PXDNL: variants seen among roughly 807,000 people sequenced by gnomAD.
The protein encoded by PXDNL is probable oxidoreductase PXDNL.
A neutral mutation model predicts 150.8 loss-of-function variants in PXDNL; 145 were observed. The observed-to-expected ratio is 0.96, with a 90% CI of 0.84 to 1.10. PXDNL has a LOEUF of 1.10. Ranked by LOEUF, PXDNL falls within the 50% of genes least tolerant of loss-of-function variation. The pLI, the probability that PXDNL is intolerant of heterozygous loss-of-function variation, is 0.00. For synonymous variants in PXDNL, 757 were observed against 725.7 expected (o/e 1.04, Z -0.69); for missense variants, 2,087 against 1,873.9 (o/e 1.11, Z -2.10).
chr8:51,702,944 G>T (rs1816288020), intron 1 of PXDNL, among the ~76,000 whole-genome samples: 1 of 151,998 alleles, frequency 6.6e-6, no homozygotes, highest in Non-Finnish European at 1.5e-5. Context: ...TGAAAACTTG[G>T]GTAGATTCCA....
chr8:51,538,334 T>C (rs1055351815), intron 4 of PXDNL, among the ~76,000 whole-genome samples: 2 of 152,146 alleles, frequency 1.3e-5, no homozygotes, highest in Admixed American at 6.5e-5. Flanking sequence ...TGTTTGGTGA[T>C]AGAAATTCCA....
intron 1 of PXDNL, among the ~76,000 whole-genome samples, chr8:51,706,372 A>C (rs1816378528): frequency 1.3e-5 from 2 of 152,172 alleles, no homozygotes; most frequent in South Asian, 2.1e-4. Flanking sequence ...TTCACAGTCT[A>C]TTTAGATCAA....
Position 51,475,060 on chromosome 8 carries a change from G to A in PXDNL, c.606C>T (p.Gly202=). 1 of 1,613,732 alleles carries A rather than the reference G, an allele frequency of 6.2e-7. No individual in the cohort carries two copies. The highest frequency in any genetic ancestry group is 2.2e-5 in the East Asian group (1 of 44,860). The change falls in exon 7 of 23, where the codon GGC becomes GGT. Residue 202 remains glycine (G), a synonymous_variant. Transcript: ENST00000356297. ...GELLQGFAQH[G]HTQAAATCEY... ...CGCAGGTAGCCGCAGCCTGGGTGTG[G>A]CCGTGTTGGGCAAAGCCTTGTAAAA... is the stretch of plus-strand genomic sequence containing the variant.
At chr8:51,774,410 T>C (rs1356006851) in intron 1 of PXDNL, among the ~76,000 whole-genome samples, 1 of 152,238 alleles carries the variant, frequency 6.6e-6, no homozygotes, top group Non-Finnish European at 1.5e-5. Context: ...TGTTACTTTT[T>C]CTAAATTGTC....
At chr8:51,682,953 C>G (rs931664726) in intron 1 of PXDNL, among the ~76,000 whole-genome samples, 1 of 151,624 alleles carries the variant, frequency 6.6e-6, no homozygotes, top group Non-Finnish European at 1.5e-5. Context: ...TAAGGAACGA[C>G]CAGAGCGCTA....
chr8:51,476,922 G>T, intron 6 of PXDNL, among the ~76,000 whole-genome samples: 1 of 152,212 alleles, frequency 6.6e-6, no homozygotes, highest in East Asian at 1.9e-4. Flanking sequence ...TGCACAAAAA[G>T]TCCTTACAAA....
chr8:51,623,475 C>T (rs942614760), intron 2 of PXDNL, among the ~76,000 whole-genome samples: 1 of 152,220 alleles, frequency 6.6e-6, no homozygotes, highest in Non-Finnish European at 1.5e-5. Context: ...CACCTAGAAG[C>T]ACATGTGTGT....
chr8:51,549,897 G>A (rs1389385969), intron 4 of PXDNL, among the ~76,000 whole-genome samples: 2 of 151,990 alleles, frequency 1.3e-5, no homozygotes, highest in Non-Finnish European at 2.9e-5. Flanking sequence ...CAAAAAGCTG[G>A]TTCTTTGAAA....
intron 10 of PXDNL, 151 bp downstream of exon 10, chr8:51,453,368 A>G: frequency 1.1e-6 from 1 of 891,650 alleles, no homozygotes; most frequent in South Asian, 1.8e-5. Flanking sequence ...TTAACTTGAA[A>G]CAGATTAGCT....
At chr8:51,634,759 CTT>C (rs34544099) in intron 2 of PXDNL, among the ~76,000 whole-genome samples, 25,392 of 151,916 alleles carry the variant, frequency 0.17, 2,446 homozygotes, top group Non-Finnish European at 0.22. Context: ...GGATTGCACT[CTT>C]GATATGGCTC....
chr8:51,407,131 C>A (rs1014282431), intron 17 of PXDNL, among the ~76,000 whole-genome samples: 17 of 152,146 alleles, frequency 1.1e-4, no homozygotes, highest in African/African-American at 3.9e-4. Context: ...TAAACCAGGT[C>A]TTCGTGAATC....
chr8:51,563,632 T>G (rs78015625), intron 3 of PXDNL, among the ~76,000 whole-genome samples: 6,878 of 152,066 alleles, frequency 0.045, 309 homozygotes, highest in East Asian at 0.24. Flanking sequence ...TGGGCCAAGA[T>G]GTTTTCTGCC....
Position 51,423,648 on chromosome 8 carries a change from G to T in PXDNL, c.1722C>A (p.Asp574Glu). 1 of 1,613,304 alleles carries T rather than the reference G, an allele frequency of 6.2e-7. No individual in the cohort carries two copies. Among genetic ancestry groups the T allele is most frequent in the Non-Finnish European group, 8.5e-7 (1 of 1,179,312 alleles). The change falls in exon 14 of 23, where the codon GAC becomes GAA. Residue 574 changes from aspartate (D) to glutamate (E), a missense_variant. Asp to Glu is a conservative substitution (Grantham distance 45). Transcript: ENST00000356297. The stretch of plus-strand genomic sequence containing the variant: ...GAGCCACACATTCATATCTTCCCTG[G>T]TCAGGGAACCCTGCGTCGTAGATAG... ...TLTIYDAGFPDQGRYECVARN... is the reference protein window; with the variant it reads ...TLTIYDAGFPEQGRYECVARN...
chr8:51,474,981 A>C lies in PXDNL; in HGVS notation c.685T>G (p.Phe229Val), dbSNP rs761490747. 1 of 1,595,656 alleles carries C rather than the reference A, an allele frequency of 6.3e-7. No individual in the cohort carries two copies. The highest frequency in any genetic ancestry group is 1.1e-5 in the South Asian group (1 of 88,648). The change falls in exon 7 of 23, where the codon TTC becomes GTC. Residue 229 changes from phenylalanine to valine, a missense_variant. Coordinates refer to ENST00000356297, the MANE Select transcript of PXDNL (RefSeq NM_144651.5). ...ATTGAAATTTACGTACGGCAATTGA[A>C]TTCCTCTACTGTTACTGAAGCAACT... Reference protein sequence around the residue: ...RAVASVTVEEFNCQSPRITFE... With the variant: ...RAVASVTVEEVNCQSPRITFE...
intron 1 of PXDNL, among the ~76,000 whole-genome samples, chr8:51,711,153 A>T (rs575289384): frequency 2.7e-4 from 41 of 151,580 alleles, no homozygotes; most frequent in Non-Finnish European, 4.6e-4. Flanking sequence ...TTTTTATTTT[A>T]TTTTTGAGAT....
At chr8:51,553,740 T>TATATATA (rs1812542163) in intron 4 of PXDNL, among the ~76,000 whole-genome samples, 4 of 112,948 alleles carry the variant, frequency 3.5e-5, no homozygotes, top group African/African-American at 1.2e-4. Context: ...GTGAGGGATT[T>TATATATA]TATATATATA....
At chr8:51,546,927 C>T (rs950254072) in intron 4 of PXDNL, among the ~76,000 whole-genome samples, 1 of 151,752 alleles carries the variant, frequency 6.6e-6, no homozygotes, top group Non-Finnish European at 1.5e-5. Context: ...CATTCATAAT[C>T]CCCCTTGGAA....
chr8:51,421,512 C>A (rs1808952843), intron 14 of PXDNL, among the ~76,000 whole-genome samples: 1 of 152,088 alleles, frequency 6.6e-6, no homozygotes, highest in Non-Finnish European at 1.5e-5. Context: ...CAGGCCTGGC[C>A]TACATGGTGA....
intron 2 of PXDNL, among the ~76,000 whole-genome samples, chr8:51,600,290 CTTATATAAATTATATGG>C (rs2130678793): frequency 8.1e-6 from 1 of 123,380 alleles, no homozygotes; most frequent in East Asian, 2.3e-4. Context: ...TAAATTATAT[CTTATATAAATTATATGG>C]TTTAGATAAT....
Sources: allele counts gnomAD v4.1 joint callset (sites outside exome capture counted in the v4.1 genomes callset), GRCh38; gene constraint gnomAD v4.1.1; transcripts MANE v1.5; gene names NCBI Gene and HGNC (gene_info 2026-07-23, HGNC 2026-07-21).